TPO: variants seen among roughly 807,000 people sequenced by gnomAD.
TPO encodes thyroid microsomal antigen.
A neutral mutation model predicts 96.9 loss-of-function variants in TPO; 78 were observed. That is an observed-to-expected ratio of 0.81 (90% confidence interval 0.67 to 0.97). The LOEUF is 0.97. Ranked by LOEUF, TPO falls within the 50% of genes least tolerant of loss-of-function variation. TPO has a pLI of 0.00. For missense variants in TPO, 1,252 were observed against 1,274.8 expected (o/e 0.98, Z 0.27); for synonymous variants, 547 against 538.0 (o/e 1.02, Z -0.23).
chr2:1,439,584 T>C (rs1665944976), intron 5 of TPO, among the ~76,000 whole-genome samples: 1 of 152,174 alleles, frequency 6.6e-6, no homozygotes, highest in East Asian at 1.9e-4. Context: ...ACTTGGAGCC[T>C]ACCTCTTTGC....
intron 7 of TPO, among the ~76,000 whole-genome samples, chr2:1,465,953 G>C (rs915703159): frequency 3.3e-5 from 5 of 152,116 alleles, no homozygotes; most frequent in African/African-American, 1.2e-4. Flanking sequence ...GTGAGAGTAG[G>C]CATCCTTGTC....
rs773693453 is a variant in TPO at position 1,423,181 on chromosome 2, T to G, written c.179+52T>G. ...CCAAATGCCACCGACAGGCGCATCC[T>G]CCCTGACATCCACACACGTGTGGCC... On this transcript the variant is annotated intron_variant, in intron 3 of 16. Transcript: ENST00000329066. 15 of 1,552,918 alleles carry G rather than the reference T, an allele frequency of 9.7e-6. No homozygotes were observed. In the Admixed American group the frequency reaches 1.2e-4, roughly 12 times the overall value.
chr2:1,529,617 A>G (rs144389270), intron 15 of TPO, among the ~76,000 whole-genome samples: 35 of 428 alleles, frequency 0.082, 1 homozygote, highest in African/African-American at 0.33. Flanking sequence ...AATCCCCCCA[A>G]TGTGAGCAAC....
chr2:1,450,098 C>G (rs559744613), intron 5 of TPO, among the ~76,000 whole-genome samples: 2 of 152,164 alleles, frequency 1.3e-5, no homozygotes, highest in South Asian at 4.1e-4. Context: ...AAAGAGGTGC[C>G]GTTACAGGAG....
intron 7 of TPO, among the ~76,000 whole-genome samples, chr2:1,458,230 C>T (rs1226367214): frequency 6.6e-6 from 1 of 151,350 alleles, no homozygotes; most frequent in East Asian, 1.9e-4. Flanking sequence ...ACTGTGTGGG[C>T]ACATGTGTAT....
At chr2:1,381,559 A>C (rs1470369215) in intron 1 of TPO, among the ~76,000 whole-genome samples, 2 of 152,214 alleles carry the variant, frequency 1.3e-5, no homozygotes, top group African/African-American at 4.8e-5. Flanking sequence ...ACATTTCAAC[A>C]TGAGATTTGG....
At chr2:1,484,916 T>C in intron 9 of TPO, 62 bp downstream of exon 9, 1 of 1,594,030 alleles carries the variant, frequency 6.3e-7, no homozygotes, top group Middle Eastern at 2.3e-4. Context: ...TTTAATTTTT[T>C]TAAATTATAT....
At chr2:1,423,243 C>A in intron 3 of TPO, 114 bp downstream of exon 3, 1 of 938,992 alleles carries the variant, frequency 1.1e-6, no homozygotes, top group Non-Finnish European at 1.7e-6. Flanking sequence ...CTGAAGCTTG[C>A]CATTGTTAAT....
chr2:1,476,827 C>T (rs1187849648), intron 7 of TPO, among the ~76,000 whole-genome samples: 7 of 149,406 alleles, frequency 4.7e-5, no homozygotes, highest in African/African-American at 1.3e-4. Context: ...CTCTTCCAGG[C>T]AAGAGACCAC....
intron 1 of TPO, among the ~76,000 whole-genome samples, chr2:1,374,725 C>CTT (rs11292664): frequency 3.9e-4 from 54 of 136,790 alleles, no homozygotes; most frequent in South Asian, 1.2e-3. Flanking sequence ...TTCTTTCTTT[C>CTT]TTTTTTTTTT....
At chr2:1,535,179 C>G (rs1440646436) in intron 15 of TPO, among the ~76,000 whole-genome samples, 2 of 110,624 alleles carry the variant, frequency 1.8e-5, no homozygotes, top group Non-Finnish European at 1.8e-5. Context: ...GCAACCACAC[C>G]AAATCCCGCC....
intron 10 of TPO, 140 bp from the exon 11 acceptor site, chr2:1,493,662 A>T: frequency 1.0e-6 from 1 of 990,500 alleles, no homozygotes; most frequent in Non-Finnish European, 1.5e-6. Flanking sequence ...CTAGCCTGGC[A>T]AACTGCCAGG....
chr2:1,501,790 G>C lies in TPO; in HGVS notation c.2387-2158G>C, dbSNP rs188411851. ...AGGGCATGCAGGAAGGACGCCCCCCGACTCCCGAGAGCCTGCTGAAGGAGC... is the reference window on the plus strand; with the variant it reads ...AGGGCATGCAGGAAGGACGCCCCCCCACTCCCGAGAGCCTGCTGAAGGAGC... On this transcript the variant is annotated intron_variant, in intron 13 of 16. Transcript: ENST00000329066. Among the ~76,000 whole-genome samples the C allele has an allele frequency of 4.1e-3, 620 of 152,160 alleles. 6 individuals are homozygous for C. Among genetic ancestry groups the C allele is most frequent in the African/African-American group, 0.014 (594 of 41,520 alleles).
intron 5 of TPO, among the ~76,000 whole-genome samples, chr2:1,444,381 T>C (rs1156733432): frequency 6.7e-6 from 1 of 149,336 alleles, no homozygotes; most frequent in Non-Finnish European, 1.5e-5. Flanking sequence ...GCTGGCTCCT[T>C]CTTGTTTGTA....
In TPO at chr2:1,484,821, GCTTT is replaced by G; in HGVS notation, c.1568_1571del (p.Phe523SerfsTer15). On this transcript the variant is annotated frameshift_variant, in exon 9 of 17. Transcript: ENST00000329066. LOFTEE classifies it high-confidence loss of function. ...CCTGCCCGGGCTGTGGCTGCACCAG[GCTTT>G]CTTCAGCCCATGGACATTACTCCGT... 2 of 1,613,986 alleles carry G rather than the reference GCTTT, an allele frequency of 1.2e-6. No individual in the cohort carries two copies. The highest frequency in any genetic ancestry group is 1.7e-6 in the Non-Finnish European group (2 of 1,180,038).
chr2:1,477,065 T>C (rs1281724113), intron 7 of TPO, 21 bp from the exon 8 acceptor site: 1 of 1,596,340 alleles, frequency 6.3e-7, no homozygotes, highest in South Asian at 1.1e-5. Context: ...TGGGTGACCT[T>C]GAACTCCCCT....
chr2:1,394,422 G>T (rs557431750), intron 1 of TPO, among the ~76,000 whole-genome samples: 1 of 152,284 alleles, frequency 6.6e-6, no homozygotes, highest in Non-Finnish European at 1.5e-5. Context: ...CTCAAAATAC[G>T]GGCTGGCCCA....
upstream of TPO, among the ~76,000 whole-genome samples, chr2:1,411,342 C>A (rs951950036): frequency 6.6e-6 from 1 of 152,140 alleles, no homozygotes; most frequent in Admixed American, 6.5e-5. Flanking sequence ...ACAAAACGAC[C>A]TGGAGAGTTG....
intron 3 of TPO, among the ~76,000 whole-genome samples, chr2:1,427,130 G>A (rs1039173160): frequency 1.3e-5 from 2 of 152,208 alleles, no homozygotes; most frequent in African/African-American, 4.8e-5. Context: ...CATTCCCTGA[G>A]ACCAGCTCCC....
Sources: gnomAD v4.1 joint callset for allele counts (sites outside exome capture counted in the v4.1 genomes callset) on GRCh38, gnomAD v4.1.1 for gene constraint, MANE v1.5 for transcripts, NCBI Gene and HGNC (gene_info 2026-07-23, HGNC 2026-07-21) for gene names.